Variants in NTRK2 observed in about 807,000 individuals in gnomAD.
NTRK2 encodes the protein neurotrophic receptor tyrosine kinase 2.
In NTRK2, 13 loss-of-function variants were observed where a neutral mutation model predicts 94.5. The observed-to-expected ratio is 0.14, with a 90% CI of 0.09 to 0.22. NTRK2 has a LOEUF of 0.22. Ranked by LOEUF, NTRK2 falls within the 10% of genes least tolerant of loss-of-function variation. The pLI is 1.00. For missense variants in NTRK2, 639 were observed against 1,071.2 expected (o/e 0.60, Z 5.63); for synonymous variants, 372 against 407.4 (o/e 0.91, Z 1.05).
In NTRK2 at chr9:84,710,939, G is replaced by A. The variant is rs936420684; in HGVS notation, c.583+148G>A. 23 of 761,734 alleles carry A rather than the reference G, an allele frequency of 3.0e-5. No homozygotes were observed. In the Admixed American group the frequency reaches 4.1e-4, roughly 14 times the overall value. The allele number at this position is 761,734 out of a possible 1,614,324, so 47.2% of individuals were successfully genotyped here. On this transcript the variant is annotated intron_variant, in intron 6 of 18. Transcript: ENST00000277120. ...GACTCAGACAACATTTATGTGCAGT[G>A]TGGAGTAATCTTTGCAAGTAGAATA...
chr9:84,766,687 T>C (rs1195760270), intron 12 of NTRK2, among the ~76,000 whole-genome samples: 2 of 147,920 alleles, frequency 1.4e-5, no homozygotes, highest in Non-Finnish European at 3.0e-5. Context: ...CACACACACA[T>C]AAAACACACA....
chr9:84,749,594 T>TTCA (rs765507881), intron 11 of NTRK2, among the ~76,000 whole-genome samples: 79 of 152,172 alleles, frequency 5.2e-4, no homozygotes, highest in Non-Finnish European at 1.0e-3. Context: ...TCTTAGTTTT[T>TTCA]TCATCATCAT....
In NTRK2 at chr9:85,021,709, T is replaced by C; in HGVS notation, c.*272T>C. The C allele has an allele frequency of 4.1e-6, 2 of 491,096 alleles. No individual in the cohort carries two copies. Among genetic ancestry groups the C allele is most frequent in the South Asian group, 4.6e-5 (2 of 43,636 alleles). 30.4% of individuals were successfully genotyped at this position (491,096 alleles called of 1,614,324 possible). A position where few individuals can be genotyped will look rare whatever the true frequency, so the allele number is the denominator to read the frequency against. On this transcript the variant is annotated 3_prime_UTR_variant, in exon 19 of 19. Coordinates refer to ENST00000277120, the MANE Select transcript of NTRK2 (RefSeq NM_006180.6). ...TTTTTAAATTTTCTTTTTCTTTTTT[T>C]TTTCGTCTTCCCTGCTTCACGATTC...
At chr9:84,694,594 T>C (rs1345962089) in intron 2 of NTRK2, among the ~76,000 whole-genome samples, 8 of 152,096 alleles carry the variant, frequency 5.3e-5, no homozygotes, top group Admixed American at 4.6e-4. Context: ...TTTCTCAGCA[T>C]TTTTGCTGAG....
Position 84,764,132 on chromosome 9 carries a change from T to A in NTRK2, c.1396+12047T>A, listed in dbSNP as rs531780300. Among the ~76,000 whole-genome samples the A allele has an allele frequency of 5.9e-5, 9 of 152,330 alleles. No homozygotes were observed. In the East Asian group the frequency reaches 1.7e-3, roughly 29 times the overall value. ...GTGTCACATCTGGAATCACATTGTG[T>A]CAGGTTGTTACACTATCAGTGGAAG... On this transcript the variant is annotated intron_variant, in intron 12 of 18. Transcript: ENST00000277120.
intron 12 of NTRK2, among the ~76,000 whole-genome samples, chr9:84,832,012 G>T (rs11140776): frequency 0.5 from 75,974 of 152,028 alleles, 19,175 homozygotes; most frequent in African/African-American, 0.55. Context: ...TTCAGAAATT[G>T]CATTTGTTTT....
intron 4 of NTRK2, among the ~76,000 whole-genome samples, chr9:84,706,526 TG>T (rs1366936749): frequency 0.072 from 8,405 of 117,496 alleles, 721 homozygotes; most frequent in African/African-American, 0.17. Flanking sequence ...TTTTTGTTTT[TG>T]TTTTTTTTTT....
At chr9:84,716,296 A>C (rs2061706812) in intron 6 of NTRK2, among the ~76,000 whole-genome samples, 1 of 152,200 alleles carries the variant, frequency 6.6e-6, no homozygotes, top group South Asian at 2.1e-4. Context: ...CACATCGACA[A>C]AATACTATTT....
At chr9:84,899,552 T>C (rs1015160889) in intron 14 of NTRK2, among the ~76,000 whole-genome samples, 3 of 152,188 alleles carry the variant, frequency 2.0e-5, no homozygotes, top group Non-Finnish European at 4.4e-5. Context: ...TCTGCAACTA[T>C]ATCAGTGAAG....
intron 2 of NTRK2, among the ~76,000 whole-genome samples, chr9:84,693,775 A>G (rs2131581936): frequency 6.6e-6 from 1 of 152,336 alleles, no homozygotes; most frequent in East Asian, 1.9e-4. Flanking sequence ...GTCTCAGGTC[A>G]TATAGCCAGT....
At chr9:84,806,126 G>A (rs2133465378) in intron 12 of NTRK2, among the ~76,000 whole-genome samples, 1 of 152,344 alleles carries the variant, frequency 6.6e-6, no homozygotes, top group Non-Finnish European at 1.5e-5. Context: ...GTGAGGCCAT[G>A]TTGAGCATAG....
chr9:84,869,625 C>T (rs2075753266), intron 14 of NTRK2, among the ~76,000 whole-genome samples: 1 of 151,936 alleles, frequency 6.6e-6, no homozygotes, highest in Non-Finnish European at 1.5e-5. Context: ...TATGAGCACT[C>T]TCATGTGTTT....
chr9:84,984,470 TCAAA>T (rs373772830), intron 17 of NTRK2, among the ~76,000 whole-genome samples: 72,003 of 149,320 alleles, frequency 0.48, 17,582 homozygotes, highest in Middle Eastern at 0.55. Context: ...AGACTATATC[TCAAA>T]CAAACAAACA....
chr9:84,864,744 T>C (rs1473666466), intron 13 of NTRK2, among the ~76,000 whole-genome samples: 3 of 134,174 alleles, frequency 2.2e-5, no homozygotes, highest in Non-Finnish European at 4.6e-5. Context: ...TTCTTTTTTT[T>C]TTTTTTTTTT....
chr9:84,957,927 C>T (rs1824361029), intron 17 of NTRK2, among the ~76,000 whole-genome samples: 3 of 152,200 alleles, frequency 2.0e-5, no homozygotes, highest in African/African-American at 7.2e-5. Flanking sequence ...GAATAAAGTA[C>T]TGATTCATGC....
intron 13 of NTRK2, among the ~76,000 whole-genome samples, chr9:84,863,475 C>T (rs535518566): frequency 2.0e-5 from 3 of 152,302 alleles, no homozygotes; most frequent in African/African-American, 7.2e-5. Context: ...ATATGAATTT[C>T]GTTTAACACA....
chr9:84,920,057 T>C (rs2077514493), intron 14 of NTRK2, among the ~76,000 whole-genome samples: 1 of 152,192 alleles, frequency 6.6e-6, no homozygotes, highest in Non-Finnish European at 1.5e-5. Flanking sequence ...ACCAGACCCC[T>C]GCCTCTAGGA....
chr9:84,845,067 A>G (rs538429297), intron 12 of NTRK2, among the ~76,000 whole-genome samples: 1 of 152,332 alleles, frequency 6.6e-6, no homozygotes, highest in South Asian at 2.1e-4. Flanking sequence ...TTAAAGAACT[A>G]AAAGTAGAAC....
intron 12 of NTRK2, among the ~76,000 whole-genome samples, chr9:84,794,396 C>G (rs1443444): frequency 2.6e-5 from 4 of 151,954 alleles, no homozygotes; most frequent in African/African-American, 9.7e-5. Context: ...AGAGAGGAAA[C>G]AGGATTAAAA....
Sources: gnomAD v4.1 joint callset for allele counts (sites outside exome capture counted in the v4.1 genomes callset) on GRCh38, gnomAD v4.1.1 for gene constraint, MANE v1.5 for transcripts, NCBI Gene and HGNC (gene_info 2026-07-23, HGNC 2026-07-21) for gene names.